NRG1: variants seen among roughly 807,000 people sequenced by gnomAD.
The protein encoded by NRG1 is neuregulin 1.
Under a neutral mutation model 63.8 loss-of-function variants are expected in NRG1, and 18 were observed. The ratio of observed to expected loss-of-function variants is 0.28; its 90% CI spans 0.19 to 0.42. The LOEUF (loss-of-function observed/expected upper bound fraction) is 0.42, where lower values mean the gene tolerates loss of function less well. Among genes scored for constraint, NRG1 ranks in the 10% least tolerant of loss-of-function variants. The probability of loss-of-function intolerance (pLI) is 1.00; values close to 1 mark genes in which losing one functional copy is unlikely to be tolerated. For missense variants in NRG1, 762 were observed against 814.7 expected (o/e 0.94, Z 0.79); for synonymous variants, 302 against 301.3 (o/e 1.00, Z -0.02).
At chr8:32,525,190 G>C (rs923534853) in intron 1 of NRG1, among the ~76,000 whole-genome samples, 1 of 152,144 alleles carries the variant, frequency 6.6e-6, no homozygotes, top group Non-Finnish European at 1.5e-5. Context: ...GCCCCCATTT[G>C]AGCCAAAGCT....
At chr8:32,007,295 C>T (rs1813934491) in intron 1 of NRG1, among the ~76,000 whole-genome samples, 1 of 152,112 alleles carries the variant, frequency 6.6e-6, no homozygotes, top group South Asian at 2.1e-4. Flanking sequence ...ACTCAAAAGC[C>T]ATACTGGCTC....
At chr8:32,236,506 AG>A (rs1383425124) in intron 1 of NRG1, among the ~76,000 whole-genome samples, 2 of 152,180 alleles carry the variant, frequency 1.3e-5, no homozygotes, top group Non-Finnish European at 2.9e-5. Flanking sequence ...AGCACCATAA[AG>A]ACAAAGTGAG....
At chr8:31,841,429 G>A (rs147733639) in intron 1 of NRG1, among the ~76,000 whole-genome samples, 1 of 152,126 alleles carries the variant, frequency 6.6e-6, no homozygotes, top group East Asian at 1.9e-4. Context: ...GACACTGAGG[G>A]GCCGTGAACA....
intron 1 of NRG1, among the ~76,000 whole-genome samples, chr8:31,910,081 G>A (rs1186367813): frequency 6.6e-6 from 1 of 152,192 alleles, no homozygotes; most frequent in African/African-American, 2.4e-5. Flanking sequence ...TAAAAATTAA[G>A]TACGCTGACT....
At chr8:31,674,192 G>A (rs1563279580) in intron 1 of NRG1, among the ~76,000 whole-genome samples, 1 of 152,056 alleles carries the variant, frequency 6.6e-6, no homozygotes, top group Non-Finnish European at 1.5e-5. Flanking sequence ...ATGGACATTT[G>A]GATTGTTTCC....
chr8:32,349,098 G>A (rs996339554), intron 1 of NRG1, among the ~76,000 whole-genome samples: 2 of 152,178 alleles, frequency 1.3e-5, no homozygotes, highest in African/African-American at 4.8e-5. Context: ...CAAGCCAGTT[G>A]AAAAATAGCT....
At chr8:32,369,323 G>GCATCT (rs1808495670) in intron 1 of NRG1, among the ~76,000 whole-genome samples, 1 of 152,230 alleles carries the variant, frequency 6.6e-6, no homozygotes, top group African/African-American at 2.4e-5. Context: ...GGGAAAGAAA[G>GCATCT]CATCTTGCCA....
intron 1 of NRG1, among the ~76,000 whole-genome samples, chr8:32,524,444 T>C (rs886612939): frequency 2.0e-5 from 3 of 152,208 alleles, no homozygotes; most frequent in African/African-American, 7.2e-5. Context: ...TGGTTCCTTT[T>C]TCCTGGGACT....
chr8:31,821,780 C>A (rs1449721359), intron 1 of NRG1, among the ~76,000 whole-genome samples: 1 of 151,318 alleles, frequency 6.6e-6, no homozygotes, highest in Non-Finnish European at 1.5e-5. Context: ...TAGAGAGAAA[C>A]CAGGAAGCAT....
chr8:32,495,665 G>A (rs1463411849), intron 1 of NRG1, among the ~76,000 whole-genome samples: 4 of 152,112 alleles, frequency 2.6e-5, no homozygotes, highest in Admixed American at 6.5e-5. Flanking sequence ...GTTTCGCCAC[G>A]TTGGCCAGGC....
At chr8:31,895,472 G>C (rs1831505276) in intron 1 of NRG1, among the ~76,000 whole-genome samples, 1 of 152,248 alleles carries the variant, frequency 6.6e-6, no homozygotes, top group African/African-American at 2.4e-5. Flanking sequence ...CTTTGCATCT[G>C]AAATTGGAAA....
chr8:32,751,427 C>T (rs773842453), intron 7 of NRG1, among the ~76,000 whole-genome samples: 4 of 152,134 alleles, frequency 2.6e-5, no homozygotes, highest in African/African-American at 4.8e-5. Flanking sequence ...TTAGCCCTGT[C>T]TGTCTCTAAT....
chr8:31,972,829 A>AT (rs1807530063), intron 1 of NRG1, among the ~76,000 whole-genome samples: 1 of 152,210 alleles, frequency 6.6e-6, no homozygotes, highest in Non-Finnish European at 1.5e-5. Context: ...CTGACTGTAT[A>AT]TCTCACTCTT....
At chr8:32,209,763 T>A in intron 1 of NRG1, among the ~76,000 whole-genome samples, 1 of 149,800 alleles carries the variant, frequency 6.7e-6, no homozygotes, top group Non-Finnish European at 1.5e-5. Context: ...CCTTCCTTCC[T>A]TCCTTCCTTC....
intron 1 of NRG1, among the ~76,000 whole-genome samples, chr8:31,933,238 A>T (rs1219242479): frequency 6.6e-6 from 1 of 151,624 alleles, no homozygotes; most frequent in East Asian, 1.9e-4. Context: ...ATATTAACTC[A>T]TTTGGTCCCC....
chr8:31,906,550 C>T (rs1382433812), intron 1 of NRG1, among the ~76,000 whole-genome samples: 1 of 152,164 alleles, frequency 6.6e-6, no homozygotes, highest in East Asian at 1.9e-4. Context: ...TACAATATCC[C>T]AGTATATTCT....
intron 1 of NRG1, among the ~76,000 whole-genome samples, chr8:31,743,213 G>A (rs928125990): frequency 1.3e-5 from 2 of 151,894 alleles, no homozygotes; most frequent in Non-Finnish European, 2.9e-5. Flanking sequence ...TCTCCAGAGT[G>A]GGAGACACAT....
intron 1 of NRG1, among the ~76,000 whole-genome samples, chr8:32,188,672 C>T (rs1025577246): frequency 2.0e-5 from 3 of 152,018 alleles, no homozygotes; most frequent in African/African-American, 7.3e-5. Flanking sequence ...AAAGAAATGT[C>T]GCTGGTATCA....
chr8:32,655,113 G>A (rs1161855008), intron 5 of NRG1, among the ~76,000 whole-genome samples: 1 of 152,122 alleles, frequency 6.6e-6, no homozygotes, highest in African/African-American at 2.4e-5. Context: ...TAAAAAATAT[G>A]AAACCAGCAC....
Sources: gnomAD v4.1 joint callset for allele counts (sites outside exome capture counted in the v4.1 genomes callset) on GRCh38, gnomAD v4.1.1 for gene constraint, MANE v1.5 for transcripts, NCBI Gene and HGNC (gene_info 2026-07-23, HGNC 2026-07-21) for gene names.